Variants in CAST observed in about 807,000 individuals in gnomAD.
CAST encodes the protein MIR583 host.
CAST carries 76 observed loss-of-function variants against 119.6 expected under a neutral mutation model. That is an observed-to-expected ratio of 0.64 (90% CI 0.53 to 0.77). CAST has a LOEUF of 0.77. Among genes scored for constraint, CAST ranks in the 30% least tolerant of loss-of-function variants. The probability of loss-of-function intolerance (pLI) is 0.00; values close to 1 mark genes in which losing one functional copy is unlikely to be tolerated. For synonymous variants in CAST, 319 were observed against 331.6 expected (o/e 0.96, Z 0.41); for missense variants, 953 against 946.5 (o/e 1.01, Z -0.09).
At chr5:96,730,927 T>TG in intron 9 of CAST, 67 bp downstream of exon 9, 2 of 1,180,184 alleles carry the variant, frequency 1.7e-6, no homozygotes, top group Non-Finnish European at 2.5e-6. Flanking sequence ...ATGAGAAACG[T>TG]ATGCTCAAAT....
At chr5:96,247,115 A>G in the CAST span, among the ~76,000 whole-genome samples, 1 of 152,158 alleles carries the variant, frequency 6.6e-6, no homozygotes, top group South Asian at 2.1e-4. Context: ...TGGTGCCATA[A>G]GCTCTGTCTC....
the CAST span, chr5:96,425,720 C>G: frequency 1.5e-6 from 1 of 671,514 alleles, no homozygotes; most frequent in Non-Finnish European, 2.6e-6. Flanking sequence ...CTATGAAATT[C>G]TCCATCATAA....
the CAST span, among the ~76,000 whole-genome samples, chr5:96,154,137 G>C: frequency 6.6e-6 from 1 of 152,046 alleles, no homozygotes; most frequent in African/African-American, 2.4e-5. Context: ...AATTAGCCGG[G>C]TGTGGTGGCG....
intron 26 of CAST, among the ~76,000 whole-genome samples, chr5:96,765,579 A>G (rs187454213): frequency 6.4e-4 from 98 of 152,264 alleles, no homozygotes; most frequent in Non-Finnish European, 1.2e-3. Flanking sequence ...GCTTCCTCCC[A>G]TGCAACACAA....
the CAST span, among the ~76,000 whole-genome samples, chr5:96,375,116 G>A: frequency 6.6e-6 from 1 of 152,138 alleles, no homozygotes; most frequent in African/African-American, 2.4e-5. Context: ...GAATAATGGA[G>A]ATAAGAAATA....
At chr5:95,981,747 C>T in the CAST span, among the ~76,000 whole-genome samples, 1 of 152,112 alleles carries the variant, frequency 6.6e-6, no homozygotes, top group African/African-American at 2.4e-5. Flanking sequence ...TGGTGGCATG[C>T]GCCGGTAGTC....
intron 1 of CAST, among the ~76,000 whole-genome samples, chr5:96,579,184 A>G (rs1561421662): frequency 6.6e-6 from 1 of 152,086 alleles, no homozygotes; most frequent in African/African-American, 2.4e-5. Flanking sequence ...AGGCACGTGG[A>G]AGTGGAGGTG....
chr5:95,993,211 A>C, the CAST span, among the ~76,000 whole-genome samples: 1 of 152,214 alleles, frequency 6.6e-6, no homozygotes, highest in African/African-American at 2.4e-5. Context: ...GAACAATTGA[A>C]TATCTTTATG....
At chr5:96,434,065 C>T in the CAST span, 1 of 151,782 alleles carries the variant, frequency 6.6e-6, no homozygotes, top group Admixed American at 6.6e-5. Flanking sequence ...TTTTTATTTA[C>T]CTCGACTTTC....
chr5:96,242,137 C>T, the CAST span, among the ~76,000 whole-genome samples: 1 of 148,538 alleles, frequency 6.7e-6, no homozygotes, highest in Non-Finnish European at 1.5e-5. Context: ...GAAGTCCTTG[C>T]CCATGCCTAT....
intron 1 of CAST, among the ~76,000 whole-genome samples, chr5:96,537,070 G>A (rs1007943844): frequency 1.4e-4 from 21 of 152,296 alleles, no homozygotes; most frequent in African/African-American, 3.6e-4. Context: ...ACTAAAATAT[G>A]GAGGCTGCTT....
At chr5:96,231,670 G>A in the CAST span, among the ~76,000 whole-genome samples, 1 of 151,970 alleles carries the variant, frequency 6.6e-6, no homozygotes, top group East Asian at 1.9e-4. Flanking sequence ...CAATAAAGCT[G>A]TTAGAATAAT....
chr5:96,360,312 C>T, the CAST span, among the ~76,000 whole-genome samples: 1 of 151,990 alleles, frequency 6.6e-6, no homozygotes, highest in South Asian at 2.1e-4. Flanking sequence ...TTTGTTATTA[C>T]CCACCTTCTG....
intron 2 of CAST, among the ~76,000 whole-genome samples, chr5:96,688,849 A>T (rs900315704): frequency 6.6e-6 from 1 of 152,190 alleles, no homozygotes; most frequent in Non-Finnish European, 1.5e-5. Context: ...TTTACCAATG[A>T]CCAGAAAAGT....
the CAST span, among the ~76,000 whole-genome samples, chr5:96,320,569 G>T: frequency 1.3e-5 from 2 of 152,058 alleles, no homozygotes; most frequent in Admixed American, 1.3e-4. Context: ...GAGCAGCACT[G>T]GGGCTCCTGG....
chr5:96,215,065 G>C, the CAST span: 1 of 152,094 alleles, frequency 6.6e-6, no homozygotes, highest in Non-Finnish European at 1.5e-5. Context: ...TTGCAGAGAA[G>C]AAGAAACCAC....
chr5:96,740,256 AT>A (rs1219970521), intron 12 of CAST, 138 bp downstream of exon 12: 2 of 593,826 alleles, frequency 3.4e-6, no homozygotes, highest in African/African-American at 3.8e-5. Flanking sequence ...AGCTCGCTGC[AT>A]TGGTTGGCTG....
chr5:96,238,799 T>C, the CAST span, among the ~76,000 whole-genome samples: 1 of 152,184 alleles, frequency 6.6e-6, no homozygotes, highest in African/African-American at 2.4e-5. Context: ...GTGTTTCCTG[T>C]TTCTATGTTA....
the CAST span, among the ~76,000 whole-genome samples, chr5:96,187,833 G>A: frequency 6.6e-6 from 1 of 152,240 alleles, no homozygotes; most frequent in Non-Finnish European, 1.5e-5. Context: ...CAAGGATAGA[G>A]CTTTCTTGAC....
Sources: allele counts gnomAD v4.1 joint callset (sites outside exome capture counted in the v4.1 genomes callset), GRCh38; gene constraint gnomAD v4.1.1; transcripts MANE v1.5; gene names NCBI Gene and HGNC (gene_info 2026-07-23, HGNC 2026-07-21).